The following LINGO2 variants were observed in gnomAD, a reference collection of about 807,000 sequenced individuals.
LINGO2 encodes the protein leucine-rich repeat and immunoglobulin-like domain-containing nogo receptor-interacting protein 2.
Under a neutral mutation model 30.6 loss-of-function variants are expected in LINGO2, and 14 were observed. The observed-to-expected ratio is 0.46, with a 90% confidence interval of 0.30 to 0.72. The LOEUF (loss-of-function observed/expected upper bound fraction) is 0.72, where lower values mean the gene tolerates loss of function less well. Ranked by LOEUF, LINGO2 falls within the 30% of genes least tolerant of loss-of-function variation. The pLI is 0.07. For synonymous variants in LINGO2, 317 were observed against 288.5 expected (o/e 1.10, Z -1.00); for missense variants, 729 against 751.7 (o/e 0.97, Z 0.35).
At chr9:28,668,000 T>C (rs1828867443) in intron 1 of LINGO2, among the ~76,000 whole-genome samples, 1 of 152,156 alleles carries the variant, frequency 6.6e-6, no homozygotes, top group African/African-American at 2.4e-5. Flanking sequence ...CCTATGACTC[T>C]TTGGACAACA....
At chr9:29,205,726 A>C in the LINGO2 span, among the ~76,000 whole-genome samples, 3 of 152,174 alleles carry the variant, frequency 2.0e-5, no homozygotes, top group African/African-American at 7.2e-5. Flanking sequence ...GTTTTTAACA[A>C]CTGATTTGCC....
chr9:28,513,762 T>C (rs1193167727), intron 1 of LINGO2, among the ~76,000 whole-genome samples: 8 of 152,228 alleles, frequency 5.3e-5, no homozygotes, highest in Admixed American at 5.2e-4. Context: ...CCCAATAAAG[T>C]ATTTTGAAGA....
chr9:29,005,066 T>C, the LINGO2 span, among the ~76,000 whole-genome samples: 2 of 152,020 alleles, frequency 1.3e-5, no homozygotes, highest in Non-Finnish European at 2.9e-5. Flanking sequence ...GCTCTACCTA[T>C]GTGTTTGCTC....
intron 3 of LINGO2, among the ~76,000 whole-genome samples, chr9:28,299,137 G>T (rs868374999): frequency 6.6e-6 from 1 of 152,120 alleles, no homozygotes; most frequent in African/African-American, 2.4e-5. Context: ...CATCTTCCCC[G>T]TGGAGACATG....
At chr9:28,950,673 G>GAAATAAATGCCAAAGAAAATAA in the LINGO2 span, among the ~76,000 whole-genome samples, 2 of 152,050 alleles carry the variant, frequency 1.3e-5, no homozygotes, top group Admixed American at 1.3e-4. Flanking sequence ...AAATGCCTAG[G>GAAATAAATGCCAAAGAAAATAA]AATACAAGTT....
chr9:29,066,343 TG>T, the LINGO2 span, among the ~76,000 whole-genome samples: 2 of 151,962 alleles, frequency 1.3e-5, no homozygotes, highest in South Asian at 4.1e-4. Flanking sequence ...TGTCAGCATG[TG>T]CTTTGGCATG....
At chr9:28,628,773 T>C (rs1374282593) in intron 1 of LINGO2, among the ~76,000 whole-genome samples, 1 of 152,086 alleles carries the variant, frequency 6.6e-6, no homozygotes, top group African/African-American at 2.4e-5. Flanking sequence ...AATAAAATTA[T>C]TTCCTTCAAT....
chr9:28,751,241 T>A, the LINGO2 span, among the ~76,000 whole-genome samples: 3 of 142,218 alleles, frequency 2.1e-5, no homozygotes, highest in Non-Finnish European at 4.5e-5. Context: ...CAGTAAGCTA[T>A]GATTATGTCA....
At chr9:29,092,943 A>G in the LINGO2 span, among the ~76,000 whole-genome samples, 10 of 133,196 alleles carry the variant, frequency 7.5e-5, no homozygotes, top group South Asian at 6.9e-4. Flanking sequence ...ATAATTTTAG[A>G]AAAAAGTCAT....
At chr9:28,235,285 C>A (rs1353019220) in intron 4 of LINGO2, among the ~76,000 whole-genome samples, 2 of 152,166 alleles carry the variant, frequency 1.3e-5, no homozygotes, top group East Asian at 1.9e-4. Flanking sequence ...AAGGAGGTAC[C>A]TTTGAGAGTC....
At chr9:28,090,302 C>T (rs540237176) in intron 4 of LINGO2, among the ~76,000 whole-genome samples, 11 of 152,050 alleles carry the variant, frequency 7.2e-5, no homozygotes, top group Non-Finnish European at 1.6e-4. Flanking sequence ...AACATCGATG[C>T]AAAAATCCTC....
At chr9:29,189,353 G>A in the LINGO2 span, among the ~76,000 whole-genome samples, 2 of 151,124 alleles carry the variant, frequency 1.3e-5, no homozygotes, top group Non-Finnish European at 3.0e-5. Flanking sequence ...CTGCCGGATG[G>A]AGGGGCTCCT....
At chr9:29,134,113 T>C in the LINGO2 span, among the ~76,000 whole-genome samples, 8 of 152,292 alleles carry the variant, frequency 5.3e-5, no homozygotes, top group South Asian at 1.7e-3. Flanking sequence ...CAACCTCTAA[T>C]AATCTAAGAA....
chr9:28,649,687 G>A (rs7855149), intron 1 of LINGO2, among the ~76,000 whole-genome samples: 47,968 of 151,816 alleles, frequency 0.32, 9,098 homozygotes, highest in African/African-American at 0.53. Flanking sequence ...AACACTGGAC[G>A]GATGTTGTGG....
chr9:28,383,145 C>T (rs1370056340), intron 2 of LINGO2, among the ~76,000 whole-genome samples: 1 of 151,934 alleles, frequency 6.6e-6, no homozygotes, highest in African/African-American at 2.4e-5. Context: ...GAAGAATATT[C>T]ACCCTACAAT....
chr9:28,561,993 A>T (rs1823112495), intron 1 of LINGO2, among the ~76,000 whole-genome samples: 1 of 151,568 alleles, frequency 6.6e-6, no homozygotes, highest in South Asian at 2.1e-4. Context: ...AAACAAAAAC[A>T]CTGTCATCCT....
At chr9:28,434,635 C>A (rs1823845901) in intron 2 of LINGO2, among the ~76,000 whole-genome samples, 1 of 151,982 alleles carries the variant, frequency 6.6e-6, no homozygotes, top group African/African-American at 2.4e-5. Flanking sequence ...TCAGTATTCG[C>A]CATACATTCG....
the LINGO2 span, among the ~76,000 whole-genome samples, chr9:29,121,416 T>A: frequency 6.6e-6 from 1 of 152,064 alleles, no homozygotes; most frequent in Non-Finnish European, 1.5e-5. Context: ...TTCTAAATCA[T>A]CTCATTATCC....
At chr9:29,140,674 CA>C in the LINGO2 span, among the ~76,000 whole-genome samples, 1 of 151,576 alleles carries the variant, frequency 6.6e-6, no homozygotes, top group Non-Finnish European at 1.5e-5. Context: ...TCAAGAATCC[CA>C]ACAGACCCTA....
Sources: allele counts gnomAD v4.1 joint callset (sites outside exome capture counted in the v4.1 genomes callset), GRCh38; gene constraint gnomAD v4.1.1; transcripts MANE v1.5; gene names NCBI Gene and HGNC (gene_info 2026-07-23, HGNC 2026-07-21).